Variants in PLS3 observed in about 807,000 individuals in gnomAD.
PLS3 encodes plastin 3.
A neutral mutation model predicts 46.5 loss-of-function variants in PLS3; 11 were observed. The ratio of observed to expected loss-of-function variants is 0.24; its 90% CI spans 0.15 to 0.39. The LOEUF (loss-of-function observed/expected upper bound fraction) is 0.39. Among genes scored for constraint, PLS3 ranks in the 10% least tolerant of loss-of-function variants. PLS3 has a pLI of 1.00. For synonymous variants in PLS3, 167 were observed against 162.2 expected (o/e 1.03, Z -0.22); for missense variants, 308 against 461.8 (o/e 0.67, Z 3.05).
chrX:115,647,416 A>G (rs2074964176), intron 13 of PLS3, 134 bp from the exon 14 acceptor site: 1 of 601,241 alleles, frequency 1.7e-6, no homozygotes, highest in Admixed American at 3.4e-5. Context: ...CCTGGGCGAC[A>G]GAGCGAGACT....
intron 1 of PLS3, among the ~76,000 whole-genome samples, chrX:115,579,138 A>G (rs1359858185): frequency 8.9e-6 from 1 of 112,301 alleles, no homozygotes; most frequent in East Asian, 2.8e-4. Context: ...ATTTAAAAAT[A>G]TTATATAAAT....
chrX:115,611,488 C>T (rs1035503170), intron 2 of PLS3, among the ~76,000 whole-genome samples: 3 of 110,813 alleles, frequency 2.7e-5, no homozygotes, highest in Non-Finnish European at 5.7e-5. Flanking sequence ...CAAAATGACT[C>T]TCATTCAGTC....
chrX:115,588,041 A>G (rs2074321624), intron 1 of PLS3, among the ~76,000 whole-genome samples: 1 of 112,472 alleles, frequency 8.9e-6, no homozygotes, highest in Admixed American at 9.5e-5. Flanking sequence ...ATGTATCAGC[A>G]TTTGGAAGAC....
rs1219905616 is a variant in PLS3 at position 115,630,795 on chromosome X, CA to C, written c.500+832del. 5.7e-5 allele frequency among the ~76,000 whole-genome samples: 5 copies of C among 88,108 alleles called. No individual in the cohort carries two copies. The East Asian group carries it at 1.3e-3, about 23-fold the overall frequency. The allele number at this position is 88,108 out of a possible 115,157, so 76.5% of individuals were successfully genotyped here. A position where few individuals can be genotyped will look rare whatever the true frequency, so the allele number is the denominator to read the frequency against. Reference sequence around the variant, plus strand: ...TATACAAAATATATATGTATATATACAAAATATATATGTATAATATATATAA... The same window carrying C: ...TATACAAAATATATATGTATATATACAAATATATATGTATAATATATATAA... On this transcript the variant is annotated intron_variant, in intron 5 of 15. Transcript: ENST00000355899.
At chrX:115,623,833 CAATTAG>C (rs1474827246) in intron 3 of PLS3, among the ~76,000 whole-genome samples, 1 of 112,232 alleles carries the variant, frequency 8.9e-6, no homozygotes, top group Non-Finnish European at 1.9e-5. Context: ...ATGTTCTTTC[CAATTAG>C]AATTAACACC....
intron 1 of PLS3, among the ~76,000 whole-genome samples, chrX:115,598,303 AAAAAAG>A (rs1347553394): frequency 2.7e-5 from 3 of 109,475 alleles, no homozygotes; most frequent in African/African-American, 1.0e-4. Flanking sequence ...AAAAAAAAAA[AAAAAAG>A]AAGAAGGAGA....
chrX:115,647,811 T>C, intron 14 of PLS3, 82 bp from the exon 15 acceptor site: 1 of 1,166,247 alleles, frequency 8.6e-7, no homozygotes, highest in South Asian at 1.9e-5. Flanking sequence ...TCACTGGGCT[T>C]TGTTTTTGGC....
Position 115,636,831 on chromosome X carries a change from T to G in PLS3, c.749-5T>G. 8.4e-7 allele frequency: 1 copy of G among 1,187,401 alleles called. No individual in the cohort carries two copies. The highest frequency in any genetic ancestry group is 3.0e-5 in the East Asian group (1 of 33,694). On this transcript the variant is annotated splice_polypyrimidine_tract_variant and splice_region_variant and intron_variant, in intron 7 of 15. Transcript: ENST00000355899. ...AACTGTGGGATTTTTTTTTTTTTCT[T>G]CTAGCCTTGGCTGCTTTACTCCGAG...
intron 1 of PLS3, among the ~76,000 whole-genome samples, chrX:115,590,431 C>T (rs1046520680): frequency 8.1e-5 from 9 of 111,264 alleles, no homozygotes; most frequent in Non-Finnish European, 1.7e-4. Context: ...CTCCCCACCG[C>T]CCCCGTCACG....
intron 1 of PLS3, among the ~76,000 whole-genome samples, chrX:115,563,897 A>G (rs969953660): frequency 8.9e-6 from 1 of 112,219 alleles, no homozygotes; most frequent in Non-Finnish European, 1.9e-5. Context: ...TTTAGATCGA[A>G]ATAATAAATG....
At position 115,634,096 on chromosome X, in the gene PLS3, C is replaced by G. The variant is rs1226484766; in HGVS notation, c.582+15C>G. ...TCATCATTCAGGTATGCATTGTTCT[C>G]CCCTCCCTTTAACATGAAATTACTG... On this transcript the variant is annotated intron_variant, in intron 6 of 15. Transcript: ENST00000355899. The G allele has an allele frequency of 2.0e-6, 2 of 1,000,264 alleles. No homozygotes were observed. Among genetic ancestry groups the G allele is most frequent in the African/African-American group, 3.8e-5 (2 of 52,305 alleles). The allele number at this position is 1,000,264 out of a possible 1,213,427, so 82.4% of individuals were successfully genotyped here. A position where few individuals can be genotyped will look rare whatever the true frequency, so the allele number is the denominator to read the frequency against.
Position 115,650,795 on chromosome X carries a change from T to G in PLS3, c.*1234T>G, listed in dbSNP as rs2074994125. Reference sequence around the variant, plus strand: ...TTTGTTAAATTTGAGTTTTGGGAGCTGAATTAGAGGTACTGAATTAAGGAC... The same window carrying G: ...TTTGTTAAATTTGAGTTTTGGGAGCGGAATTAGAGGTACTGAATTAAGGAC... On this transcript the variant is annotated 3_prime_UTR_variant, in exon 16 of 16. Transcript: ENST00000355899. The G allele has an allele frequency of 8.9e-6, 1 of 112,016 alleles. No individual in the cohort carries two copies. The highest frequency in any genetic ancestry group is 1.9e-5 in the Non-Finnish European group (1 of 53,236). The allele number at this position is 112,016 out of a possible 1,213,427, so 9.2% of individuals were successfully genotyped here. A position where few individuals can be genotyped will look rare whatever the true frequency, so the allele number is the denominator to read the frequency against.
At position 115,610,177 on chromosome X, in the gene PLS3, C is replaced by T. The variant is rs190387665; in HGVS notation, c.-8-66C>T. 789 of 498,388 alleles carry T rather than the reference C, an allele frequency of 1.6e-3. 2 individuals are homozygous for T. Among genetic ancestry groups the T allele is most frequent in the Non-Finnish European group, 1.9e-3 (571 of 302,943 alleles). 41.1% of individuals were successfully genotyped at this position (498,388 alleles called of 1,213,427 possible). A position where few individuals can be genotyped will look rare whatever the true frequency, so the allele number is the denominator to read the frequency against. ...GTTTAAATTATCCCTAAGATGAGAACTTAGCAAGAGTGCTTATATTTATCA... is the reference window on the plus strand; with the variant it reads ...GTTTAAATTATCCCTAAGATGAGAATTTAGCAAGAGTGCTTATATTTATCA... On this transcript the variant is annotated intron_variant, in intron 1 of 15. Coordinates refer to ENST00000355899, the MANE Select transcript of PLS3 (RefSeq NM_005032.7).
chrX:115,622,424 AT>A lies in PLS3; in HGVS notation c.237+17del, dbSNP rs782487436. On this transcript the variant is annotated intron_variant, in intron 3 of 15. Coordinates refer to ENST00000355899, the MANE Select transcript of PLS3 (RefSeq NM_005032.7). ...AATTTGTTTATGTAAGTATGTGAAA[AT>A]TCACAATTATTAGAAGTAGTAGATG... 7 of 1,073,085 alleles carry A rather than the reference AT, an allele frequency of 6.5e-6. No individual in the cohort carries two copies. The African/African-American group carries it at 1.3e-4, about 20-fold the overall frequency. The allele number at this position is 1,073,085 out of a possible 1,213,427, so 88.4% of individuals were successfully genotyped here. A position where few individuals can be genotyped will look rare whatever the true frequency, so the allele number is the denominator to read the frequency against.
chrX:115,636,187 T>A (rs1556640195), intron 7 of PLS3, among the ~76,000 whole-genome samples: 1 of 108,226 alleles, frequency 9.2e-6, no homozygotes, highest in Admixed American at 1.0e-4. Flanking sequence ...TGTAAACATC[T>A]TTCCCCCAAA....
chrX:115,627,529 TA>T (rs199774328), intron 3 of PLS3, among the ~76,000 whole-genome samples: 2,607 of 112,153 alleles, frequency 0.023, 75 homozygotes, highest in African/African-American at 0.08. Flanking sequence ...AGGAGAGCTA[TA>T]GGATCAAAAT....
At chrX:115,581,169 A>G (rs1273850910) in intron 1 of PLS3, among the ~76,000 whole-genome samples, 1 of 112,192 alleles carries the variant, frequency 8.9e-6, no homozygotes, top group Non-Finnish European at 1.9e-5. Flanking sequence ...TTTTAAGACC[A>G]ACCATTAGAT....
intron 1 of PLS3, among the ~76,000 whole-genome samples, chrX:115,564,609 A>G (rs1455080884): frequency 8.9e-6 from 1 of 112,254 alleles, no homozygotes; most frequent in African/African-American, 3.2e-5. Context: ...TCCATTTGCC[A>G]TTATCCCATA....
intron 1 of PLS3, among the ~76,000 whole-genome samples, chrX:115,574,289 A>G (rs781958465): frequency 8.9e-6 from 1 of 112,167 alleles, no homozygotes; most frequent in Non-Finnish European, 1.9e-5. Context: ...ATGGATGGCC[A>G]TAAATGCTCC....
Sources: allele counts gnomAD v4.1 joint callset (sites outside exome capture counted in the v4.1 genomes callset), GRCh38; gene constraint gnomAD v4.1.1; transcripts MANE v1.5; gene names NCBI Gene and HGNC (gene_info 2026-07-23, HGNC 2026-07-21).